Variants in PPP2R2C observed in about 807,000 individuals in gnomAD.
The protein encoded by PPP2R2C is protein phosphatase 2 regulatory subunit Bgamma.
A neutral mutation model predicts 45.3 loss-of-function variants in PPP2R2C; 10 were observed. The ratio of observed to expected loss-of-function variants is 0.22; its 90% CI spans 0.14 to 0.37. PPP2R2C has a LOEUF of 0.37. PPP2R2C is among the 10% of genes least tolerant of loss of function. The pLI, the probability that PPP2R2C is intolerant of heterozygous loss-of-function variation, is 1.00. For synonymous variants in PPP2R2C, 257 were observed against 245.4 expected (o/e 1.05, Z -0.44); for missense variants, 308 against 619.7 (o/e 0.50, Z 5.34).
chr4:6,462,212 G>A (rs996765100), intron 1 of PPP2R2C, among the ~76,000 whole-genome samples: 2 of 152,362 alleles, frequency 1.3e-5, no homozygotes, highest in Non-Finnish European at 2.9e-5. Flanking sequence ...TAGGGACAGT[G>A]GGAGTGACAC....
intron 1 of PPP2R2C, among the ~76,000 whole-genome samples, chr4:6,453,181 A>C (rs1423246186): frequency 6.6e-6 from 1 of 152,114 alleles, no homozygotes; most frequent in Non-Finnish European, 1.5e-5. Flanking sequence ...CACAGAGGAT[A>C]TTCTTGTCTC....
In PPP2R2C at chr4:6,514,000, G is replaced by A. The variant is rs1307855916; in HGVS notation, c.49+21271C>T. Among the ~76,000 whole-genome samples the A allele has an allele frequency of 3.3e-5, 5 of 152,232 alleles. No individual in the cohort carries two copies. In the East Asian group the frequency reaches 9.6e-4, roughly 29 times the overall value. ...ATGCTAAAAATGTTCAAATACAGAT[G>A]GGGTGTATAATTGGGCCTCATATAT... is the stretch of plus-strand genomic sequence containing the variant. On this transcript the variant is annotated intron_variant, in intron 2 of 9. Coordinates refer to the PPP2R2C transcript ENST00000506140.
At chr4:6,460,148 G>A (rs1721251799) in intron 1 of PPP2R2C, among the ~76,000 whole-genome samples, 1 of 152,156 alleles carries the variant, frequency 6.6e-6, no homozygotes, top group Non-Finnish European at 1.5e-5. Flanking sequence ...GGGCTGAAAT[G>A]TGCCCCCTCC....
At chr4:6,367,641 C>T (rs185299405) in intron 5 of PPP2R2C, among the ~76,000 whole-genome samples, 1 of 152,318 alleles carries the variant, frequency 6.6e-6, no homozygotes, top group African/African-American at 2.4e-5. Flanking sequence ...TCTCATTACT[C>T]GGCTGCTATC....
chr4:6,420,240 A>G (rs924265158), intron 1 of PPP2R2C, among the ~76,000 whole-genome samples: 8 of 152,244 alleles, frequency 5.3e-5, no homozygotes, highest in African/African-American at 1.9e-4. Context: ...GCTGGCACAC[A>G]GCCATGACAA....
chr4:6,533,655 G>A (rs2108824777), intron 2 of PPP2R2C, among the ~76,000 whole-genome samples: 1 of 152,290 alleles, frequency 6.6e-6, no homozygotes, highest in South Asian at 2.1e-4. Context: ...ATGCAGGATT[G>A]CAGACTTTAA....
intron 2 of PPP2R2C, among the ~76,000 whole-genome samples, chr4:6,493,918 G>T (rs960718771): frequency 1.1e-4 from 16 of 152,344 alleles, no homozygotes; most frequent in Middle Eastern, 3.4e-3. Context: ...ATGCTGGAAT[G>T]TTAAAGCAAA....
chr4:6,447,514 G>T (rs906010354), intron 1 of PPP2R2C, among the ~76,000 whole-genome samples: 5 of 151,396 alleles, frequency 3.3e-5, no homozygotes, highest in Non-Finnish European at 5.9e-5. Context: ...AGGTCTCCTA[G>T]CTCCCCACCC....
rs956275653 is a variant in PPP2R2C at position 6,482,021 on chromosome 4, G to T, written c.49+53250C>A. On this transcript the variant is annotated intron_variant, in intron 2 of 9. Coordinates refer to the PPP2R2C transcript ENST00000506140. ...AAAAAAAAAGTAAAAAGGAAATCCT[G>T]TTGGGATTTTCACTGAAACTTCAAT... Among the ~76,000 whole-genome samples, 5 of 148,184 alleles carry T rather than the reference G, an allele frequency of 3.4e-5. No individual in the cohort carries two copies. The East Asian group carries it at 5.9e-4, about 17-fold the overall frequency.
At chr4:6,544,902 C>T (rs987785054) in intron 1 of PPP2R2C, among the ~76,000 whole-genome samples, 3 of 152,238 alleles carry the variant, frequency 2.0e-5, no homozygotes, top group African/African-American at 4.8e-5. Context: ...TTTTGTGTTG[C>T]TCCTACTGTC....
intron 1 of PPP2R2C, among the ~76,000 whole-genome samples, chr4:6,442,595 C>T (rs574793366): frequency 2.0e-5 from 3 of 152,196 alleles, no homozygotes; most frequent in Non-Finnish European, 4.4e-5. Flanking sequence ...TGGGAATAAT[C>T]ACAGGCACCA....
intron 8 of PPP2R2C, 26 bp from the exon 9 acceptor site, chr4:6,323,619 G>T: frequency 6.6e-7 from 1 of 1,519,634 alleles, no homozygotes; most frequent in Non-Finnish European, 8.9e-7. Flanking sequence ...GAGGCATCAG[G>T]TGAGGAGGAG....
intron 2 of PPP2R2C, among the ~76,000 whole-genome samples, chr4:6,496,040 C>T (rs1342179805): frequency 6.6e-6 from 1 of 152,226 alleles, no homozygotes; most frequent in Non-Finnish European, 1.5e-5. Flanking sequence ...CTGCCTCCTC[C>T]TCTGTATCTC....
At chr4:6,440,265 T>G (rs765762147) in intron 1 of PPP2R2C, among the ~76,000 whole-genome samples, 13 of 152,272 alleles carry the variant, frequency 8.5e-5, no homozygotes, top group Non-Finnish European at 1.8e-4. Context: ...GATGAGTACA[T>G]GTTGCATGAA....
intron 6 of PPP2R2C, among the ~76,000 whole-genome samples, chr4:6,346,475 G>A (rs946173352): frequency 7.9e-5 from 12 of 152,130 alleles, no homozygotes; most frequent in Non-Finnish European, 1.5e-4. Flanking sequence ...GGGTGTTGGT[G>A]CCATTGCTCA....
At chr4:6,483,384 TC>T (rs1722428202) in intron 2 of PPP2R2C, among the ~76,000 whole-genome samples, 1 of 152,152 alleles carries the variant, frequency 6.6e-6, no homozygotes, top group Admixed American at 6.6e-5. Flanking sequence ...CATTTTACGT[TC>T]CCATCAGCAG....
chr4:6,510,975 T>TCAAA (rs200839226), intron 2 of PPP2R2C, among the ~76,000 whole-genome samples: 1 of 37,714 alleles, frequency 2.7e-5, no homozygotes, highest in African/African-American at 1.0e-4. Flanking sequence ...AGACTCCGTC[T>TCAAA]CAAACAAAAA....
At position 6,471,049 on chromosome 4, in the gene PPP2R2C, G is replaced by A. The variant is rs962673630; in HGVS notation, c.70+1111C>T. 1.3e-5 allele frequency among the ~76,000 whole-genome samples: 2 copies of A among 152,106 alleles called. No individual in the cohort carries two copies. The highest frequency in any genetic ancestry group is 4.8e-5 in the African/African-American group (2 of 41,450). ...CGGCAGAGCCAGGCTTCGAGGAGGC[G>A]GACCCAGCCGCAGGAGCCCGGTCTC... On this transcript the variant is annotated intron_variant, in intron 1 of 8. Coordinates refer to ENST00000382599, the MANE Select transcript of PPP2R2C (RefSeq NM_020416.4). This position sits in a 1 kb window ranked among gnomAD's most constrained non-coding sequence, Gnocchi z 5.6.
rs1031091724 is a variant in PPP2R2C at position 6,323,266 on chromosome 4, T to C, written c.*36A>G. The C allele has an allele frequency of 1.3e-6, 2 of 1,557,020 alleles. No homozygotes were observed. The highest frequency in any genetic ancestry group is 8.7e-7 in the Non-Finnish European group (1 of 1,143,760). On this transcript the variant is annotated 3_prime_UTR_variant, in exon 9 of 9. Coordinates refer to ENST00000382599, the MANE Select transcript of PPP2R2C (RefSeq NM_020416.4). ...AAGGTCATGTCGGGGATGACTTGCATGAGGCTGGGTGGCAGGGGCCGGGAA... is the reference window on the plus strand; with the variant it reads ...AAGGTCATGTCGGGGATGACTTGCACGAGGCTGGGTGGCAGGGGCCGGGAA...
Sources: allele counts gnomAD v4.1 joint callset (sites outside exome capture counted in the v4.1 genomes callset), GRCh38; gene constraint gnomAD v4.1.1; non-coding constraint Gnocchi (gnomAD v3.1); transcripts MANE v1.5; gene names NCBI Gene and HGNC (gene_info 2026-07-23, HGNC 2026-07-21).